Variants in GALNT13 observed in about 807,000 individuals in gnomAD.
The protein encoded by GALNT13 is polypeptide N-acetylgalactosaminyltransferase 13.
Under a neutral mutation model 64.2 loss-of-function variants are expected in GALNT13, and 28 were observed. The ratio of observed to expected loss-of-function variants is 0.44; its 90% CI spans 0.32 to 0.60. The LOEUF is 0.60. GALNT13 is among the 20% of genes least tolerant of loss of function. GALNT13 has a pLI of 0.05. For missense variants in GALNT13, 577 were observed against 669.8 expected (o/e 0.86, Z 1.53); for synonymous variants, 214 against 224.6 (o/e 0.95, Z 0.42).
At chr2:153,278,040 C>G in the GALNT13 span, among the ~76,000 whole-genome samples, 1 of 147,736 alleles carries the variant, frequency 6.8e-6, no homozygotes, top group African/African-American at 2.5e-5. Context: ...CATTCTCCTG[C>G]CTCAGCCTCC....
the GALNT13 span, among the ~76,000 whole-genome samples, chr2:153,400,785 T>C: frequency 2.0e-5 from 3 of 152,120 alleles, no homozygotes; most frequent in African/African-American, 7.2e-5. Flanking sequence ...CCTTTATCAT[T>C]TTTTATTGTG....
chr2:153,669,500 A>G, the GALNT13 span, among the ~76,000 whole-genome samples: 1 of 152,360 alleles, frequency 6.6e-6, no homozygotes, highest in African/African-American at 2.4e-5. Flanking sequence ...CCTTAAGACT[A>G]AAATAGAAGT....
the GALNT13 span, among the ~76,000 whole-genome samples, chr2:153,393,997 A>T: frequency 7.2e-6 from 1 of 139,722 alleles, no homozygotes; most frequent in Non-Finnish European, 1.6e-5. Flanking sequence ...CACACCCCCT[A>T]TTGGTTTTGT....
chr2:153,772,061 A>T, the GALNT13 span, among the ~76,000 whole-genome samples: 1 of 152,186 alleles, frequency 6.6e-6, no homozygotes, highest in African/African-American at 2.4e-5. Context: ...TTCTTGCTGC[A>T]GTCTTGTGAC....
chr2:154,248,313 A>C (rs965295240), intron 7 of GALNT13, among the ~76,000 whole-genome samples: 2 of 84,608 alleles, frequency 2.4e-5, no homozygotes, highest in Non-Finnish European at 5.5e-5. Context: ...TTTCATTTTC[A>C]TAATAAATGG....
At chr2:153,297,577 T>A in the GALNT13 span, among the ~76,000 whole-genome samples, 1 of 152,204 alleles carries the variant, frequency 6.6e-6, no homozygotes, top group East Asian at 1.9e-4. Flanking sequence ...CCATTATATT[T>A]GTCTCTGAAA....
the GALNT13 span, among the ~76,000 whole-genome samples, chr2:153,768,767 G>A: frequency 1.3e-5 from 2 of 152,180 alleles, no homozygotes; most frequent in Non-Finnish European, 2.9e-5. Context: ...TCGGAAGGCT[G>A]AGGCAGGAAA....
chr2:153,463,283 G>C, the GALNT13 span, among the ~76,000 whole-genome samples: 7,383 of 152,120 alleles, frequency 0.049, 617 homozygotes, highest in African/African-American at 0.17. Flanking sequence ...CCAAATCCAA[G>C]TGTGTATTAG....
At chr2:153,396,313 A>C in the GALNT13 span, among the ~76,000 whole-genome samples, 1 of 152,108 alleles carries the variant, frequency 6.6e-6, no homozygotes, top group Non-Finnish European at 1.5e-5. Context: ...GAAAATTTAA[A>C]ATACAAAATC....
At chr2:154,327,483 G>A (rs1694940048) in intron 9 of GALNT13, among the ~76,000 whole-genome samples, 1 of 152,074 alleles carries the variant, frequency 6.6e-6, no homozygotes, top group Non-Finnish European at 1.5e-5. Flanking sequence ...CACAGGTTTG[G>A]TGACAGAGGG....
intron 3 of GALNT13, among the ~76,000 whole-genome samples, chr2:153,995,443 T>C (rs2105202896): frequency 6.6e-6 from 1 of 152,306 alleles, no homozygotes; most frequent in East Asian, 1.9e-4. Context: ...GACATTGTCA[T>C]TTCTCTCAGG....
chr2:153,665,901 A>T, the GALNT13 span, among the ~76,000 whole-genome samples: 1 of 152,090 alleles, frequency 6.6e-6, no homozygotes, highest in Non-Finnish European at 1.5e-5. Flanking sequence ...GGTTTGGTGC[A>T]GGCGTGGCTG....
At chr2:153,932,465 T>C (rs1256793999) in intron 2 of GALNT13, among the ~76,000 whole-genome samples, 3 of 152,034 alleles carry the variant, frequency 2.0e-5, no homozygotes, top group African/African-American at 7.2e-5. Flanking sequence ...CCAGAGATTC[T>C]GGCATGTTAC....
At chr2:154,311,756 G>T (rs1211476952) in intron 9 of GALNT13, among the ~76,000 whole-genome samples, 20 of 151,994 alleles carry the variant, frequency 1.3e-4, no homozygotes, top group African/African-American at 4.1e-4. Flanking sequence ...AGACAGGTAC[G>T]CCCTGGGGGG....
the GALNT13 span, among the ~76,000 whole-genome samples, chr2:153,279,377 G>A: frequency 9.2e-5 from 14 of 152,016 alleles, no homozygotes; most frequent in African/African-American, 3.4e-4. Flanking sequence ...GCTCTGGCTA[G>A]GACTTGGTCC....
At chr2:154,385,387 G>A (rs934587756) in intron 9 of GALNT13, among the ~76,000 whole-genome samples, 17 of 151,872 alleles carry the variant, frequency 1.1e-4, no homozygotes, top group Non-Finnish European at 2.1e-4. Context: ...TAATTACCAT[G>A]TTCTGTACCC....
intron 9 of GALNT13, among the ~76,000 whole-genome samples, chr2:154,341,779 G>A (rs1301762827): frequency 6.6e-6 from 1 of 152,006 alleles, no homozygotes; most frequent in Non-Finnish European, 1.5e-5. Context: ...AATCCTCTAT[G>A]GAAAATAGAC....
At chr2:153,079,567 A>G in the GALNT13 span, among the ~76,000 whole-genome samples, 1 of 152,204 alleles carries the variant, frequency 6.6e-6, no homozygotes, top group Non-Finnish European at 1.5e-5. Flanking sequence ...TTTTATGATT[A>G]GAGTTAGTGT....
chr2:153,933,935 G>T (rs1690715379), intron 2 of GALNT13, among the ~76,000 whole-genome samples: 1 of 151,968 alleles, frequency 6.6e-6, no homozygotes, highest in African/African-American at 2.4e-5. Flanking sequence ...GTCTCTTTTG[G>T]CTTATAAGGT....
Sources: allele counts gnomAD v4.1 joint callset (sites outside exome capture counted in the v4.1 genomes callset), GRCh38; gene constraint gnomAD v4.1.1; transcripts MANE v1.5; gene names NCBI Gene and HGNC (gene_info 2026-07-23, HGNC 2026-07-21).